The following TTC28 variants were observed in gnomAD, a reference collection of about 807,000 sequenced individuals.
The protein encoded by TTC28 is tetratricopeptide repeat protein 28.
Under a neutral mutation model 198.0 loss-of-function variants are expected in TTC28, and 61 were observed. That is an observed-to-expected ratio of 0.31 (90% CI 0.25 to 0.38). The LOEUF (loss-of-function observed/expected upper bound fraction) is 0.38. Among genes scored for constraint, TTC28 ranks in the 10% least tolerant of loss-of-function variants. The pLI, the probability that TTC28 is intolerant of heterozygous loss-of-function variation, is 1.00. For synonymous variants in TTC28, 1,171 were observed against 1,297.8 expected (o/e 0.90, Z 2.10); for missense variants, 2,678 against 3,164.0 (o/e 0.85, Z 3.69).
At chr22:28,135,511 T>C (rs771332995) in intron 6 of TTC28, among the ~76,000 whole-genome samples, 4 of 152,174 alleles carry the variant, frequency 2.6e-5, no homozygotes, top group Non-Finnish European at 5.9e-5. Flanking sequence ...AGGAAGGCTG[T>C]GTGGCAGACA....
At chr22:28,523,941 T>G (rs2048957972) in intron 2 of TTC28, among the ~76,000 whole-genome samples, 1 of 152,112 alleles carries the variant, frequency 6.6e-6, no homozygotes. Context: ...TTTCAATCCC[T>G]TTTCCTCCTT....
intron 2 of TTC28, among the ~76,000 whole-genome samples, chr22:28,401,205 G>A (rs1335861980): frequency 1.3e-5 from 2 of 151,806 alleles, no homozygotes; most frequent in Non-Finnish European, 2.9e-5. Context: ...AGGAGGAGGA[G>A]GATGACGATG....
chr22:28,360,126 T>C (rs1190933059), intron 2 of TTC28, among the ~76,000 whole-genome samples: 2 of 152,142 alleles, frequency 1.3e-5, no homozygotes, highest in African/African-American at 4.8e-5. Flanking sequence ...TCTTCTCCTC[T>C]TTCTCTCTCT....
rs188461513 is a variant in TTC28 at position 28,204,107 on chromosome 22, C to A, written c.934-40508G>T. On this transcript the variant is annotated intron_variant, in intron 5 of 22. Coordinates refer to ENST00000397906, the MANE Select transcript of TTC28 (RefSeq NM_001145418.2). The stretch of plus-strand genomic sequence containing the variant: ...CTTCCCCTTCCCATAGGGGCACTCT[C>A]TCTCTTCTGAATGCCAAAGCATGTG... 9.2e-4 allele frequency among the ~76,000 whole-genome samples: 140 copies of A among 152,264 alleles called. 1 individual carries two copies. The highest frequency in any genetic ancestry group is 3.2e-3 in the African/African-American group (133 of 41,552).
At position 28,605,835 on chromosome 22, in the gene TTC28, C is replaced by A. The variant is rs1316241127; in HGVS notation, c.381+23717G>T. Among the ~76,000 whole-genome samples the A allele has an allele frequency of 4.6e-5, 7 of 152,068 alleles. 2 individuals carry two copies. Among genetic ancestry groups the A allele is most frequent in the Non-Finnish European group, 2.9e-5 (2 of 68,016 alleles). ...TATCCCTTTTTAGGAAGATGTTGAT[C>A]CAAGGATATAAAGTTTCAGTTAGAT... On this transcript the variant is annotated intron_variant, in intron 2 of 22. Transcript: ENST00000397906.
In TTC28 at chr22:28,105,570, C is replaced by T. The variant is rs530850018; in HGVS notation, c.3016G>A (p.Val1006Ile). Residue 1006 changes from valine to isoleucine, a missense_variant, in exon 8 of 23, where the codon GTT becomes ATT. Physicochemically the swap from Val to Ile is conservative, Grantham distance 29. Around this residue, in one of 8 missense-constraint regions of TTC28, gnomAD observed 727 missense variants for 861.9 expected, o/e 0.84. Coordinates refer to ENST00000397906, the MANE Select transcript of TTC28 (RefSeq NM_001145418.2). ...ESDAACGLGG[V>I]YQQMGEYDTA... ...TCATACTCCCCCATCTGCTGGTAAA[C>T]GCCCCCCAGGCCACAGGCTGCGTCA... The T allele has an allele frequency of 3.9e-5, 61 of 1,551,764 alleles. No homozygotes were observed. The highest frequency in any genetic ancestry group is 9.6e-5 in the African/African-American group (7 of 73,156).
intron 5 of TTC28, among the ~76,000 whole-genome samples, chr22:28,252,490 T>C (rs1458060440): frequency 6.6e-6 from 1 of 152,196 alleles, no homozygotes; most frequent in Non-Finnish European, 1.5e-5. Flanking sequence ...TGTCTCATCT[T>C]CCAAGAAGCA....
intron 2 of TTC28, among the ~76,000 whole-genome samples, chr22:28,489,036 C>A (rs1174627797): frequency 6.6e-6 from 1 of 152,126 alleles, no homozygotes; most frequent in Non-Finnish European, 1.5e-5. Flanking sequence ...GTAATCCCAG[C>A]ACTTTCAGAG....
intron 5 of TTC28, among the ~76,000 whole-genome samples, chr22:28,191,103 T>G (rs1924700399): frequency 6.6e-6 from 1 of 152,222 alleles, no homozygotes; most frequent in South Asian, 2.1e-4. Context: ...CTGGCATATT[T>G]CTTGTTCTCT....
rs2047772408 is a variant in TTC28 at position 28,451,111 on chromosome 22, C to T, written c.382-144468G>A. ...GGAGTCCTCTTAAGTTTTGGCTGAA[C>T]ACTAAGTTGCCAAAATATGGTGAAA... On this transcript the variant is annotated intron_variant, in intron 2 of 22. Coordinates refer to ENST00000397906, the MANE Select transcript of TTC28 (RefSeq NM_001145418.2). 3.3e-5 allele frequency among the ~76,000 whole-genome samples: 5 copies of T among 152,292 alleles called. No individual in the cohort carries two copies. In the South Asian group the frequency reaches 8.3e-4, roughly 25 times the overall value.
intron 5 of TTC28, among the ~76,000 whole-genome samples, chr22:28,243,193 AAAAAAAAAAAAAAAAAAAAAC>A (rs1929800562): frequency 1.5e-5 from 1 of 64,556 alleles, no homozygotes; most frequent in Non-Finnish European, 4.3e-5. Context: ...AAAAAAAAAA[AAAAAAAAAAAAAAAAAAAAAC>A]TAGCCAGCCA....
chr22:28,224,261 T>C (rs182897734), intron 5 of TTC28, among the ~76,000 whole-genome samples: 62 of 152,260 alleles, frequency 4.1e-4, no homozygotes, highest in Non-Finnish European at 7.4e-4. Context: ...ATGCAGTAGG[T>C]CTGGGGCAGG....
chr22:28,274,129 A>G (rs1383741672), intron 5 of TTC28, among the ~76,000 whole-genome samples: 1 of 152,192 alleles, frequency 6.6e-6, no homozygotes, highest in African/African-American at 2.4e-5. Flanking sequence ...AAGTCAGAAT[A>G]ATGGTTATCC....
At chr22:28,636,487 G>A (rs1601648292) in intron 1 of TTC28, among the ~76,000 whole-genome samples, 1 of 152,182 alleles carries the variant, frequency 6.6e-6, no homozygotes, top group East Asian at 1.9e-4. Context: ...TGGACACTTA[G>A]GTTGTTTCTA....
chr22:28,240,880 T>C (rs1929609801), intron 5 of TTC28, among the ~76,000 whole-genome samples: 1 of 152,032 alleles, frequency 6.6e-6, no homozygotes, highest in African/African-American at 2.4e-5. Context: ...ACAATAGAAA[T>C]AGTCCTTTAA....
chr22:28,677,507 C>T (rs1339431812), intron 1 of TTC28, among the ~76,000 whole-genome samples: 1 of 151,956 alleles, frequency 6.6e-6, no homozygotes, highest in Admixed American at 6.6e-5. Flanking sequence ...CAAAAATTAG[C>T]CGGGTCTAGT....
Position 28,495,040 on chromosome 22 carries a change from G to A in TTC28, c.381+134512C>T, listed in dbSNP as rs1183228147. On this transcript the variant is annotated intron_variant, in intron 2 of 22. Coordinates refer to ENST00000397906, the MANE Select transcript of TTC28 (RefSeq NM_001145418.2). Reference sequence around the variant, plus strand: ...AATTGAAGAAATGTTGCAGGAAACAGATTAAGTAACAAGAGAGGTGGAAAA... The same window carrying A: ...AATTGAAGAAATGTTGCAGGAAACAAATTAAGTAACAAGAGAGGTGGAAAA... Among the ~76,000 whole-genome samples, 6 of 151,954 alleles carry A rather than the reference G, an allele frequency of 3.9e-5. No individual in the cohort carries two copies. In the East Asian group the frequency reaches 1.2e-3, roughly 29 times the overall value.
chr22:28,230,658 G>A (rs1042430959), intron 5 of TTC28, among the ~76,000 whole-genome samples: 4 of 152,148 alleles, frequency 2.6e-5, no homozygotes, highest in African/African-American at 9.7e-5. Context: ...GGGGAGGTTC[G>A]AGAGAAATAG....
intron 2 of TTC28, chr22:28,442,962 G>A (rs2047647864): frequency 6.6e-6 from 1 of 152,602 alleles, no homozygotes; most frequent in Non-Finnish European, 1.5e-5. Flanking sequence ...GGGGGCTGGG[G>A]GCAGATGCAG....
Sources: gnomAD v4.1 joint callset for allele counts (sites outside exome capture counted in the v4.1 genomes callset) on GRCh38, gnomAD v4.1.1 for gene constraint, gnomAD v4.1.1 regional missense constraint, MANE v1.5 for transcripts, NCBI Gene and HGNC (gene_info 2026-07-23, HGNC 2026-07-21) for gene names.